Variants in AKAP13 observed in about 807,000 individuals in gnomAD.
AKAP13 encodes A-kinase anchoring protein 13, also known as A-kinase anchor protein 13.
In AKAP13, 80 loss-of-function variants were observed where a neutral mutation model predicts 264.5. That is an observed-to-expected ratio of 0.30 (90% CI 0.25 to 0.36). The LOEUF (loss-of-function observed/expected upper bound fraction) is 0.36, where lower values mean the gene tolerates loss of function less well. AKAP13 is among the 10% of genes least tolerant of loss of function. The pLI is 1.00. For synonymous variants in AKAP13, 1,380 were observed against 1,250.2 expected (o/e 1.10, Z -2.19); for missense variants, 3,712 against 3,435.2 (o/e 1.08, Z -2.01).
intron 8 of AKAP13, among the ~76,000 whole-genome samples, chr15:85,635,329 T>C (rs1483235002): frequency 6.6e-6 from 1 of 152,018 alleles, no homozygotes; most frequent in Non-Finnish European, 1.5e-5. Context: ...GTTGGGTATC[T>C]TTTTTTTGCT....
chr15:85,692,229 G>T (rs1341248522), intron 16 of AKAP13, among the ~76,000 whole-genome samples: 1 of 152,042 alleles, frequency 6.6e-6, no homozygotes, highest in African/African-American at 2.4e-5. Context: ...TGGCTTAGGA[G>T]AATAATGAGC....
chr15:85,633,535 C>CTTTTTTTTTTTT (rs56687591), intron 8 of AKAP13, among the ~76,000 whole-genome samples: 1 of 97,738 alleles, frequency 1.0e-5, no homozygotes, highest in Non-Finnish European at 2.2e-5. Context: ...CTTTTTTTTT[C>CTTTTTTTTTTTT]TTTTTTTTTT....
At position 85,533,607 on chromosome 15, in the gene AKAP13, A is replaced by C; in HGVS notation, c.205A>C (p.Lys69Gln). 6.2e-7 allele frequency: 1 copy of C among 1,611,284 alleles called. No individual in the cohort carries two copies. Among genetic ancestry groups the C allele is most frequent in the Middle Eastern group, 1.7e-4 (1 of 6,046 alleles). The change falls in exon 4 of 37, where the codon AAG becomes CAG. Residue 69 changes from lysine (K) to glutamine (Q), a missense_variant. By Grantham distance (53) the Lys-to-Gln change is moderately conservative (BLOSUM62 1). This residue lies in a region of AKAP13 where 2,759 missense variants were observed against 2,411.7 expected (regional missense o/e 1.14). Coordinates refer to ENST00000394518, the MANE Select transcript of AKAP13 (RefSeq NM_007200.5). ...AGGTCATGATTGTTGTGAAACAGTG[A>C]AGGTGCAGCTCTGTGCTTCCAAAGA... is the stretch of plus-strand genomic sequence containing the variant. ...APGHDCCETV[K>Q]VQLCASKEGL...
intron 1 of AKAP13, among the ~76,000 whole-genome samples, chr15:85,401,294 C>A (rs1360773383): frequency 1.6e-5 from 1 of 62,654 alleles, no homozygotes; most frequent in Non-Finnish European, 3.1e-5. Context: ...TGTAGTATAC[C>A]TGATTATTGA....
At chr15:85,455,472 C>T (rs149965074) in intron 1 of AKAP13, among the ~76,000 whole-genome samples, 55 of 152,170 alleles carry the variant, frequency 3.6e-4, no homozygotes, top group East Asian at 1.2e-3. Context: ...AAAGCATGAG[C>T]GGCGGGAGGG....
intron 2 of AKAP13, among the ~76,000 whole-genome samples, chr15:85,497,293 C>T (rs982039421): frequency 6.6e-6 from 1 of 152,202 alleles, no homozygotes; most frequent in African/African-American, 2.4e-5. Context: ...GGCTCAGATG[C>T]ATGCGTAGAT....
intron 2 of AKAP13, among the ~76,000 whole-genome samples, chr15:85,491,347 A>G (rs181597294): frequency 6.6e-6 from 1 of 152,088 alleles, no homozygotes; most frequent in East Asian, 1.9e-4. Context: ...CCCTGGGCAG[A>G]TGGGATTCTT....
At chr15:85,546,339 C>T (rs969204650) in intron 5 of AKAP13, among the ~76,000 whole-genome samples, 5 of 151,704 alleles carry the variant, frequency 3.3e-5, no homozygotes, top group African/African-American at 1.2e-4. Context: ...CACACACACA[C>T]ACACACACAC....
At chr15:85,692,497 ATGGTGGTGG>A (rs35316448) in intron 16 of AKAP13, among the ~76,000 whole-genome samples, 2 of 151,046 alleles carry the variant, frequency 1.3e-5, no homozygotes, top group Non-Finnish European at 3.0e-5. Context: ...GGTGGTGGTG[ATGGTGGTGG>A]TGGTGGTGGT....
intron 21 of AKAP13, 86 bp from the exon 22 acceptor site, chr15:85,717,921 C>CA: frequency 7.5e-7 from 1 of 1,328,742 alleles, no homozygotes; most frequent in South Asian, 1.3e-5. Context: ...CTTATGAAAT[C>CA]AACTATCATC....
At chr15:85,413,464 T>C (rs1342349661) in intron 1 of AKAP13, among the ~76,000 whole-genome samples, 1 of 152,214 alleles carries the variant, frequency 6.6e-6, no homozygotes, top group Non-Finnish European at 1.5e-5. Context: ...GAAAATGTTA[T>C]TTTCAGGAGT....
At chr15:85,443,699 A>G (rs1023498990) in intron 1 of AKAP13, among the ~76,000 whole-genome samples, 1 of 151,766 alleles carries the variant, frequency 6.6e-6, no homozygotes, top group Non-Finnish European at 1.5e-5. Flanking sequence ...CTGGAAAGTC[A>G]TTTTGTGGTA....
Position 85,673,676 on chromosome 15 carries a change from T to TTTTC in AKAP13, c.5101+3849_5101+3850insCTTT, listed in dbSNP as rs2084048499. Reference sequence around the variant, plus strand: ...TCCCTTTCTTTCTTTCTTTTTTTTTTTTTTTTTTTTTTTTTTGGGGAGACA... The same window carrying TTTTC: ...TCCCTTTCTTTCTTTCTTTTTTTTTTTTTCTTTTTTTTTTTTTTTTGGGGAGACA... On this transcript the variant is annotated intron_variant, in intron 14 of 36. Coordinates refer to ENST00000394518, the MANE Select transcript of AKAP13 (RefSeq NM_007200.5). Among the ~76,000 whole-genome samples the TTTTC allele has an allele frequency of 4.2e-5, 5 of 120,240 alleles. No individual in the cohort carries two copies. In the South Asian group the frequency reaches 1.5e-3, roughly 37 times the overall value. The allele number at this position is 120,240 out of a possible 152,430, so 78.9% of individuals were successfully genotyped here.
At chr15:85,435,359 A>C (rs1245277282) in intron 1 of AKAP13, among the ~76,000 whole-genome samples, 1 of 129,254 alleles carries the variant, frequency 7.7e-6, no homozygotes, top group African/African-American at 3.0e-5. Flanking sequence ...CTGAAAGTGA[A>C]GGGGAGAATG....
intron 1 of AKAP13, among the ~76,000 whole-genome samples, chr15:85,455,685 TC>T (rs1235990162): frequency 1.3e-5 from 2 of 152,230 alleles, no homozygotes; most frequent in African/African-American, 4.8e-5. Context: ...TGGTGTGTCT[TC>T]TTGAAGGTAT....
At chr15:85,633,169 A>G (rs1019099059) in intron 8 of AKAP13, among the ~76,000 whole-genome samples, 1 of 152,016 alleles carries the variant, frequency 6.6e-6, no homozygotes, top group Non-Finnish European at 1.5e-5. Flanking sequence ...CCCGGCAGAA[A>G]TAGAATTTTA....
At chr15:85,742,409 T>C (rs1469327652) in intron 35 of AKAP13, among the ~76,000 whole-genome samples, 2 of 152,146 alleles carry the variant, frequency 1.3e-5, no homozygotes, top group African/African-American at 4.8e-5. Flanking sequence ...AGGAAATGGC[T>C]CTCAGGCCAG....
At chr15:85,431,381 C>T (rs1453444226) in intron 1 of AKAP13, among the ~76,000 whole-genome samples, 2 of 152,162 alleles carry the variant, frequency 1.3e-5, no homozygotes, top group Admixed American at 6.5e-5. Context: ...TATTTATGCT[C>T]CCCACACCTC....
At chr15:85,415,463 T>C (rs2150883030) in intron 1 of AKAP13, 1 of 1,597,946 alleles carries the variant, frequency 6.3e-7, no homozygotes, top group African/African-American at 1.3e-5. Flanking sequence ...CCACAGCTGA[T>C]GGCAGAAAAA....
Sources: allele counts gnomAD v4.1 joint callset (sites outside exome capture counted in the v4.1 genomes callset), GRCh38; gene constraint gnomAD v4.1.1; regional missense constraint gnomAD v4.1.1; transcripts MANE v1.5; gene names NCBI Gene and HGNC (gene_info 2026-07-23, HGNC 2026-07-21).